TMEM184B: variants seen among roughly 807,000 people sequenced by gnomAD.
TMEM184B encodes the protein putative MAPK-activating protein FM08.
TMEM184B carries 17 observed loss-of-function variants against 41.8 expected under a neutral mutation model. The observed-to-expected ratio is 0.41, with a 90% CI of 0.28 to 0.61. TMEM184B has a LOEUF of 0.61. Among genes scored for constraint, TMEM184B ranks in the 20% least tolerant of loss-of-function variants. The pLI is 0.34. For missense variants in TMEM184B, 393 were observed against 557.8 expected (o/e 0.70, Z 2.98); for synonymous variants, 240 against 229.5 (o/e 1.05, Z -0.41).
At chr22:38,267,370 A>G (rs2092458288) in intron 1 of TMEM184B, among the ~76,000 whole-genome samples, 1 of 151,744 alleles carries the variant, frequency 6.6e-6, no homozygotes, top group African/African-American at 2.4e-5. Context: ...AGCCAGACTC[A>G]AGGCTGTTTA....
intron 3 of TMEM184B, among the ~76,000 whole-genome samples, chr22:38,237,004 C>A (rs534991247): frequency 6.6e-6 from 1 of 152,264 alleles, no homozygotes; most frequent in African/African-American, 2.4e-5. Flanking sequence ...CTGACCTCTC[C>A]TCTACTGGCT....
At chr22:38,250,436 C>A (rs2092137864) in intron 1 of TMEM184B, among the ~76,000 whole-genome samples, 1 of 152,108 alleles carries the variant, frequency 6.6e-6, no homozygotes. Flanking sequence ...TAAAGAAATT[C>A]AAAAATGGAG....
At chr22:38,230,815 A>G (rs2091595300) in intron 4 of TMEM184B, 71 bp from the exon 5 acceptor site, 2 of 1,432,434 alleles carry the variant, frequency 1.4e-6, no homozygotes, top group African/African-American at 2.8e-5. Context: ...TGGGGTGGGG[A>G]AGGCCGCCCT....
chr22:38,259,757 T>A (rs1341050734), intron 1 of TMEM184B, among the ~76,000 whole-genome samples: 1 of 152,204 alleles, frequency 6.6e-6, no homozygotes, highest in Admixed American at 6.5e-5. Context: ...GTTTTTCTTA[T>A]TGTAAGTAAT....
In TMEM184B at chr22:38,237,027, CCTT is replaced by C. The variant is rs143884494; in HGVS notation, c.359-5696_359-5694del. On this transcript the variant is annotated intron_variant, in intron 3 of 8. Coordinates refer to ENST00000361906, the MANE Select transcript of TMEM184B (RefSeq NM_012264.5). ...TCCTCTACTGGCTTCTTCTGAATGGCCTTCTTTCCTATTGGCAGCTCCTTGAGC... is the reference window on the plus strand; with the variant it reads ...TCCTCTACTGGCTTCTTCTGAATGGCCTTTCCTATTGGCAGCTCCTTGAGC... 2.5e-3 allele frequency among the ~76,000 whole-genome samples: 386 copies of C among 152,254 alleles called. 3 individuals are homozygous for C. Among genetic ancestry groups the C allele is most frequent in the African/African-American group, 8.8e-3 (364 of 41,540 alleles).
intron 1 of TMEM184B, among the ~76,000 whole-genome samples, chr22:38,263,346 A>AC (rs1422409856): frequency 6.6e-6 from 1 of 151,856 alleles, no homozygotes; most frequent in Non-Finnish European, 1.5e-5. Context: ...CTGCCCAGAG[A>AC]CCCCCTGGGC....
intron 5 of TMEM184B, among the ~76,000 whole-genome samples, chr22:38,227,604 G>A (rs2091482759): frequency 6.6e-6 from 1 of 152,142 alleles, no homozygotes; most frequent in African/African-American, 2.4e-5. Flanking sequence ...TGACCTGCAG[G>A]AGCCCAGAGC....
chr22:38,230,564 C>A, intron 5 of TMEM184B, 105 bp downstream of exon 5: 1 of 1,186,994 alleles, frequency 8.4e-7, no homozygotes, highest in Non-Finnish European at 1.2e-6. Flanking sequence ...TGGGGTGCCT[C>A]ATAGGAAAGG....
chr22:38,264,906 G>A (rs1290179041), intron 1 of TMEM184B, among the ~76,000 whole-genome samples: 1 of 152,196 alleles, frequency 6.6e-6, no homozygotes, highest in Non-Finnish European at 1.5e-5. Flanking sequence ...GACTGAGACG[G>A]CCAGGCACTC....
At chr22:38,263,725 T>C (rs957676513) in intron 1 of TMEM184B, among the ~76,000 whole-genome samples, 20 of 152,214 alleles carry the variant, frequency 1.3e-4, no homozygotes, top group Non-Finnish European at 2.8e-4. Context: ...TTGGAAAATA[T>C]TGCCAGAGAG....
At chr22:38,217,904 A>G (rs1798338008), downstream of TMEM184B, among the ~76,000 whole-genome samples, 1 of 151,914 alleles carries the variant, frequency 6.6e-6, no homozygotes, top group Non-Finnish European at 1.5e-5. Flanking sequence ...TGAGCCCAGG[A>G]GTTTGAGGCT....
intron 1 of TMEM184B, among the ~76,000 whole-genome samples, chr22:38,252,908 C>T (rs1237722615): frequency 6.6e-6 from 1 of 152,254 alleles, no homozygotes; most frequent in Non-Finnish European, 1.5e-5. Flanking sequence ...TTTGGGAGGC[C>T]GAGCTGGGTG....
chr22:38,271,152 A>T (rs1324917546), intron 1 of TMEM184B, among the ~76,000 whole-genome samples: 1 of 152,176 alleles, frequency 6.6e-6, no homozygotes, highest in Non-Finnish European at 1.5e-5. Context: ...CACATTAGCT[A>T]TTGGAGCCTC....
intron 3 of TMEM184B, among the ~76,000 whole-genome samples, chr22:38,233,376 G>A (rs1420058908): frequency 1.3e-5 from 2 of 152,208 alleles, no homozygotes; most frequent in Non-Finnish European, 2.9e-5. Flanking sequence ...CACCAACTTG[G>A]CAGGTGGCTG....
chr22:38,245,433 T>C lies in TMEM184B; in HGVS notation c.358+502A>G, dbSNP rs898636118. On this transcript the variant is annotated intron_variant, in intron 3 of 8. Transcript: ENST00000361906. ...GAGACCCAGGGGGAGGGCCCTTGCT[T>C]CCAGGTACCTGCCTGAGACGCCAGC... Among the ~76,000 whole-genome samples, 5 of 136,142 alleles carry C rather than the reference T, an allele frequency of 3.7e-5. No individual in the cohort carries two copies. In the East Asian group the frequency reaches 1.1e-3, roughly 29 times the overall value. The allele number at this position is 136,142 out of a possible 152,430, so 89.3% of individuals were successfully genotyped here.
chr22:38,247,217 G>A (rs377503074), intron 2 of TMEM184B, among the ~76,000 whole-genome samples: 8 of 152,292 alleles, frequency 5.3e-5, no homozygotes, highest in East Asian at 3.9e-4. Flanking sequence ...TCTGCAAAGC[G>A]GTCCCTGTCC....
chr22:38,237,807 T>G (rs895175891), intron 3 of TMEM184B, among the ~76,000 whole-genome samples: 1 of 151,836 alleles, frequency 6.6e-6, no homozygotes, highest in African/African-American at 2.4e-5. Context: ...CTGTCTTTTT[T>G]TTTTTTTTTT....
chr22:38,265,842 G>A (rs1459415410), intron 1 of TMEM184B, among the ~76,000 whole-genome samples: 2 of 152,206 alleles, frequency 1.3e-5, no homozygotes, highest in African/African-American at 4.8e-5. Context: ...AGGAGGCTCT[G>A]CCAGTAGCTA....
At chr22:38,256,652 A>G (rs2092284738) in intron 1 of TMEM184B, among the ~76,000 whole-genome samples, 1 of 152,172 alleles carries the variant, frequency 6.6e-6, no homozygotes, top group South Asian at 2.1e-4. Flanking sequence ...AAAGCTTTTT[A>G]TTATGGAACA....
Sources: gnomAD v4.1 joint callset for allele counts (sites outside exome capture counted in the v4.1 genomes callset) on GRCh38, gnomAD v4.1.1 for gene constraint, MANE v1.5 for transcripts, NCBI Gene and HGNC (gene_info 2026-07-23, HGNC 2026-07-21) for gene names.